The following GIPR variants were observed in gnomAD, a reference collection of about 807,000 sequenced individuals.
GIPR encodes GIP-R.
A neutral mutation model predicts 62.2 loss-of-function variants in GIPR; 74 were observed. The ratio of observed to expected loss-of-function variants is 1.19; its 90% CI spans 0.99 to 1.44. The LOEUF (loss-of-function observed/expected upper bound fraction) is 1.44. Ranked by LOEUF, GIPR falls within the 40% of genes most tolerant of loss-of-function variation. The pLI is 0.00. For synonymous variants in GIPR, 256 were observed against 262.2 expected (o/e 0.98, Z 0.23); for missense variants, 664 against 611.8 (o/e 1.09, Z -0.90).
intron 1 of GIPR, 101 bp downstream of exon 1, chr19:45,668,399 C>G (rs1975371710): frequency 6.5e-6 from 1 of 153,228 alleles, no homozygotes; most frequent in African/African-American, 2.4e-5. Flanking sequence ...CTTTGTCTCT[C>G]TGTCTCTGTG....
chr19:45,678,398 C>T (rs972491519), intron 12 of GIPR, 172 bp downstream of exon 12: 2 of 816,978 alleles, frequency 2.4e-6, no homozygotes, highest in South Asian at 1.6e-5. Context: ...GATTCTCGCC[C>T]TGTCGCCCAG....
Position 45,678,220 on chromosome 19 carries a change from CT to C in GIPR, c.1148del (p.Phe383SerfsTer116). On this transcript the variant is annotated frameshift_variant, in exon 12 of 14. Coordinates refer to ENST00000590918, the MANE Select transcript of GIPR (RefSeq NM_000164.4). LOFTEE classifies it low-confidence loss of function (END_TRUNC). Reference protein sequence around the residue: ...KLGFEIFLSSFQGFLVSVLYC... With the variant: ...KLGFEIFLSSXQGFLVSVLYC... ...TCGGCTTTGAGATCTTCCTCAGCTC[CT>C]TCCAGGTGCTCAGGCAGGGTGCAGG... 2 of 1,562,630 alleles carry C rather than the reference CT, an allele frequency of 1.3e-6. No individual in the cohort carries two copies. The highest frequency in any genetic ancestry group is 8.7e-7 in the Non-Finnish European group (1 of 1,154,272).
At chr19:45,672,010 T>A (rs536783891) in intron 4 of GIPR, among the ~76,000 whole-genome samples, 1 of 148,026 alleles carries the variant, frequency 6.8e-6, no homozygotes, top group Non-Finnish European at 1.5e-5. Context: ...TCAGACACTT[T>A]ATTTATTTAA....
rs1975617610 is a variant in GIPR, at chr19:45,672,918, A to G, written c.348A>G (p.Thr116=). The G allele has an allele frequency of 5.0e-6, 8 of 1,612,310 alleles. No individual in the cohort carries two copies. The highest frequency in any genetic ancestry group is 1.3e-5 in the African/African-American group (1 of 74,868). The change falls in exon 5 of 14, where the codon ACA becomes ACG. Residue 116 remains threonine (T), a synonymous_variant. Transcript: ENST00000590918. ...DGQWGLWRDH[T]QCENPEKNEA... ...AATGGGGACTTTGGAGAGACCATAC[A>G]CAATGTGAGAACCCAGAGAAGAATG...
chr19:45,681,544 C>T (rs1054947700), intron 12 of GIPR, 60 bp from the exon 13 acceptor site: 1 of 1,407,864 alleles, frequency 7.1e-7, no homozygotes. Flanking sequence ...GAGGGAGGCG[C>T]GGAGGCGGTT....
intron 2 of GIPR, among the ~76,000 whole-genome samples, chr19:45,669,986 GTTTCAA>G (rs1975453423): frequency 2.0e-5 from 3 of 151,540 alleles, no homozygotes; most frequent in Admixed American, 1.3e-4. Flanking sequence ...CGCAAAGAGA[GTTTCAA>G]GACTGTCCCG....
intron 1 of GIPR, among the ~76,000 whole-genome samples, chr19:45,668,713 C>G (rs551558331): frequency 6.6e-6 from 1 of 152,382 alleles, no homozygotes; most frequent in African/African-American, 2.4e-5. Flanking sequence ...CTGCTTCCGT[C>G]TTTCTCTACG....
intron 6 of GIPR, 118 bp from the exon 7 acceptor site, chr19:45,674,564 G>GT: frequency 3.3e-6 from 3 of 897,574 alleles, no homozygotes; most frequent in African/African-American, 1.6e-5. Flanking sequence ...CCCTGATTGT[G>GT]TCACTGCATT....
intron 2 of GIPR, 108 bp from the exon 3 acceptor site, chr19:45,670,527 A>G (rs944249080): frequency 3.0e-5 from 22 of 726,642 alleles, no homozygotes; most frequent in Non-Finnish European, 4.8e-5. Flanking sequence ...CCCGAACAAC[A>G]CGCAACAGAC....
chr19:45,677,933 C>T lies in GIPR; in HGVS notation c.952C>T (p.Leu318Phe). ...TAATTTCCTCATTTTTATCCGCATT[C>T]TTGGCATTCTCCTGTCCAAGCTGAG... ...LINFLIFIRI[L>F]GILLSKLRTR... The change falls in exon 11 of 14, where the codon CTT becomes TTT. Residue 318 changes from leucine (L) to phenylalanine (F), a missense_variant. Leu to Phe is a conservative substitution (Grantham distance 22, BLOSUM62 0). Transcript: ENST00000590918. 6.2e-7 allele frequency: 1 copy of T among 1,614,020 alleles called. No individual in the cohort carries two copies. Among genetic ancestry groups the T allele is most frequent in the East Asian group, 2.2e-5 (1 of 44,866 alleles).
Position 45,677,938 on chromosome 19 carries a change from C to T in GIPR, c.957C>T (p.Gly319=). 1 of 1,613,956 alleles carries T rather than the reference C, an allele frequency of 6.2e-7. No individual in the cohort carries two copies. The change falls in exon 11 of 14, where the codon GGC becomes GGT. Residue 319 remains glycine (G), a synonymous_variant. Transcript: ENST00000590918. ...INFLIFIRIL[G]ILLSKLRTRQ... ...TCCTCATTTTTATCCGCATTCTTGGCATTCTCCTGTCCAAGCTGAGGACAC... is the reference window on the plus strand; with the variant it reads ...TCCTCATTTTTATCCGCATTCTTGGTATTCTCCTGTCCAAGCTGAGGACAC...
Position 45,681,915 on chromosome 19 carries a change from G to T in GIPR, c.1381G>T (p.Glu461Ter), listed in dbSNP as rs375178835. The change falls in exon 14 of 14, where the codon GAG becomes TAG. Residue 461 changes from glutamate to a stop codon, truncating the protein, a stop_gained. Transcript: ENST00000590918. LOFTEE classifies it high-confidence loss of function. ...LPGPGNEASR[E>*]LESYC ...AGGGCCTGGGAATGAGGCCAGCCGG[G>T]AGTTGGAAAGTTACTGCTAGGGGGC... 1.4e-4 allele frequency: 211 copies of T among 1,560,232 alleles called. No individual in the cohort carries two copies. Among genetic ancestry groups the T allele is most frequent in the Non-Finnish European group, 1.8e-4 (202 of 1,151,492 alleles).
At chr19:45,677,844 C>A (rs528083054) in intron 10 of GIPR, 62 bp from the exon 11 acceptor site, 2 of 1,595,198 alleles carry the variant, frequency 1.3e-6, no homozygotes, top group South Asian at 2.2e-5. Context: ...AGTGGGCTGC[C>A]ACCTCCTCCT....
chr19:45,681,547 AGGCG>A, intron 12 of GIPR, 53 bp from the exon 13 acceptor site: 1 of 1,438,280 alleles, frequency 7.0e-7, no homozygotes, highest in Non-Finnish European at 9.8e-7. Flanking sequence ...GGAGGCGCGG[AGGCG>A]GTTACAGTCC....
chr19:45,670,337 T>G, intron 2 of GIPR: 1 of 307,406 alleles, frequency 3.3e-6, no homozygotes, highest in African/African-American at 2.2e-5. Flanking sequence ...CGGGCCCAGA[T>G]TCGAGTTTTG....
intron 5 of GIPR, 36 bp downstream of exon 5, chr19:45,672,990 G>C (rs761305696): frequency 1.7e-6 from 2 of 1,211,264 alleles, no homozygotes; most frequent in Non-Finnish European, 2.5e-6. Context: ...TAGGAGTCCA[G>C]GGAGAGATGG....
chr19:45,673,774 G>A (rs993370463), intron 5 of GIPR, among the ~76,000 whole-genome samples: 2 of 152,082 alleles, frequency 1.3e-5, no homozygotes, highest in Non-Finnish European at 2.9e-5. Flanking sequence ...TGGGGTGGGA[G>A]GATCGCTTGG....
In GIPR at chr19:45,677,326, C is replaced by T; in HGVS notation, c.797C>T (p.Ala266Val). 1.3e-6 allele frequency: 2 copies of T among 1,581,874 alleles called. No homozygotes were observed. The highest frequency in any genetic ancestry group is 1.7e-5 in the Admixed American group (1 of 58,092). ...GGCGGGGTCGGGGTCTGCACAGGGG[C>T]CCCCGCGCTTTTCGTCATTCCCTGG... ...FRYYLLLGWG[A>V]PALFVIPWVI... The change falls in exon 9 of 14, where the codon GCC (alanine) becomes GTC (valine). Residue 266 changes from alanine to valine, a missense_variant. Physicochemically the swap from Ala to Val is moderately conservative, Grantham distance 64 (BLOSUM62 0). Coordinates refer to ENST00000590918, the MANE Select transcript of GIPR (RefSeq NM_000164.4).
Position 45,682,162 on chromosome 19 carries a change from G to C in GIPR, c.*227G>C. ...AAGGGAAGCGAGAAGGGGGCCTAGG[G>C]TGGTCTGGGAGGCGTCTCCAAGGAG... On this transcript the variant is annotated 3_prime_UTR_variant, in exon 14 of 14. Transcript: ENST00000590918. 1.8e-6 allele frequency: 1 copy of C among 566,578 alleles called. No homozygotes were observed. The highest frequency in any genetic ancestry group is 2.2e-5 in the South Asian group (1 of 45,968). The allele number at this position is 566,578 out of a possible 1,614,324, so 35.1% of individuals were successfully genotyped here. A position where few individuals can be genotyped will look rare whatever the true frequency, so the allele number is the denominator to read the frequency against.
Sources: allele counts gnomAD v4.1 joint callset (sites outside exome capture counted in the v4.1 genomes callset), GRCh38; gene constraint gnomAD v4.1.1; transcripts MANE v1.5; gene names NCBI Gene and HGNC (gene_info 2026-07-23, HGNC 2026-07-21).